Variants in DDR2 observed in about 807,000 individuals in gnomAD.
The protein encoded by DDR2 is discoidin domain receptor tyrosine kinase 2.
A neutral mutation model predicts 94.9 loss-of-function variants in DDR2; 27 were observed. The ratio of observed to expected loss-of-function variants is 0.28; its 90% CI spans 0.21 to 0.39. The LOEUF is 0.39. Ranked by LOEUF, DDR2 falls within the 10% of genes least tolerant of loss-of-function variation. The probability of loss-of-function intolerance (pLI) is 1.00; values close to 1 mark genes in which losing one functional copy is unlikely to be tolerated. For missense variants in DDR2, 783 were observed against 1,076.0 expected, an observed-to-expected ratio of 0.73 and a Z score of 3.81; for synonymous variants, 382 against 377.2, an observed-to-expected ratio of 1.01 and a Z score of -0.15.
At chr1:162,687,101 G>T (rs568125075) in intron 2 of DDR2, among the ~76,000 whole-genome samples, 2 of 152,330 alleles carry the variant, frequency 1.3e-5, no homozygotes, top group African/African-American at 4.8e-5. Context: ...GCCAGGCTTT[G>T]GGCTGCTCTG....
chr1:162,732,663 G>A (rs1435390859), intron 3 of DDR2, among the ~76,000 whole-genome samples: 1 of 152,228 alleles, frequency 6.6e-6, no homozygotes, highest in Non-Finnish European at 1.5e-5. Flanking sequence ...CCCCAATAAT[G>A]CCCCTCAGTC....
At chr1:162,778,797 G>T in intron 17 of DDR2, 68 bp downstream of exon 17, 1 of 1,606,206 alleles carries the variant, frequency 6.2e-7, no homozygotes, top group South Asian at 1.1e-5. Context: ...GGCAAGTCCT[G>T]CCTTAGCAGG....
chr1:162,779,295 C>G (rs370374252), intron 17 of DDR2, among the ~76,000 whole-genome samples: 1 of 151,966 alleles, frequency 6.6e-6, no homozygotes, highest in African/African-American at 2.4e-5. Flanking sequence ...AATTCCTAGC[C>G]AAGATACTCC....
rs1443166185 is a variant in DDR2 at position 162,765,285 on chromosome 1, C to CAG, written c.1100-713_1100-712dup. Among the ~76,000 whole-genome samples, 4 of 152,162 alleles carry CAG rather than the reference C, an allele frequency of 2.6e-5. No individual in the cohort carries two copies. In the East Asian group the frequency reaches 7.7e-4, roughly 29 times the overall value. On this transcript the variant is annotated intron_variant, in intron 9 of 17. Transcript: ENST00000367921. ...GACAGCCGAACTCCGAAAGCACATG[C>CAG]AGAGGCCAGATACCTCCTTATTTAT...
intron 2 of DDR2, among the ~76,000 whole-genome samples, chr1:162,670,590 G>C (rs763554247): frequency 1.2e-4 from 18 of 152,214 alleles, no homozygotes; most frequent in Non-Finnish European, 2.5e-4. Context: ...TGACAGATCA[G>C]AAGAGCCATG....
chr1:162,765,918 G>A, intron 9 of DDR2, 83 bp from the exon 10 acceptor site: 1 of 1,226,478 alleles, frequency 8.2e-7, no homozygotes, highest in Non-Finnish European at 1.2e-6. Context: ...ATCTTGTAAT[G>A]TGCTAGGTCA....
rs368494291 is a variant in DDR2, at chr1:162,729,812, C to T, written c.82+10667C>T. 5.5e-4 allele frequency among the ~76,000 whole-genome samples: 83 copies of T among 151,826 alleles called. No individual in the cohort carries two copies. In the South Asian group the frequency reaches 6.2e-3, roughly 11 times the overall value. On this transcript the variant is annotated intron_variant, in intron 3 of 17. Coordinates refer to ENST00000367921, the MANE Select transcript of DDR2 (RefSeq NM_006182.4). ...AGGCTGGAGTGCAATGGCGCAATCT[C>T]GGCTCACTGCAACCTCCGCCTCCCA...
At chr1:162,743,366 C>A (rs61812400) in intron 3 of DDR2, among the ~76,000 whole-genome samples, 90 of 152,158 alleles carry the variant, frequency 5.9e-4, no homozygotes, top group Non-Finnish European at 1.1e-3. Context: ...CACGTGAAAC[C>A]TTTTTCCCTT....
intron 1 of DDR2, among the ~76,000 whole-genome samples, chr1:162,653,107 AAAAC>A (rs1657781266): frequency 6.6e-6 from 1 of 151,920 alleles, no homozygotes; most frequent in Non-Finnish European, 1.5e-5. Flanking sequence ...CCTGTCTTAA[AAAAC>A]AAACAAGCAA....
chr1:162,749,750 C>A (rs190520324), intron 3 of DDR2, among the ~76,000 whole-genome samples: 2,212 of 152,240 alleles, frequency 0.015, 35 homozygotes, highest in Non-Finnish European at 0.02. Flanking sequence ...AACATTCATG[C>A]AAAAATCCTA....
At chr1:162,660,561 C>T (rs748164189) in intron 2 of DDR2, among the ~76,000 whole-genome samples, 11 of 152,162 alleles carry the variant, frequency 7.2e-5, no homozygotes, top group Non-Finnish European at 1.5e-4. Flanking sequence ...GTAATGTATA[C>T]ACATCACCTA....
intron 2 of DDR2, among the ~76,000 whole-genome samples, chr1:162,705,645 C>G (rs1384037043): frequency 6.6e-6 from 1 of 152,130 alleles, no homozygotes; most frequent in African/African-American, 2.4e-5. Context: ...TTCATTCCAG[C>G]CTCGTTGTTG....
At chr1:162,642,295 G>C (rs1657175790) in intron 1 of DDR2, among the ~76,000 whole-genome samples, 1 of 149,226 alleles carries the variant, frequency 6.7e-6, no homozygotes, top group African/African-American at 2.5e-5. Context: ...TTTTTGAGGT[G>C]GAATTTCGCT....
chr1:162,762,946 T>G lies in DDR2; in HGVS notation c.1099+1492T>G, dbSNP rs144833044. Among the ~76,000 whole-genome samples the G allele has an allele frequency of 6.2e-3, 938 of 152,142 alleles. 10 individuals are homozygous for G. The highest frequency in any genetic ancestry group is 0.021 in the African/African-American group (888 of 41,524). On this transcript the variant is annotated intron_variant, in intron 9 of 17. Coordinates refer to ENST00000367921, the MANE Select transcript of DDR2 (RefSeq NM_006182.4). ...CCGCCTCCCGGGATCGAGTGATTCT[T>G]CTGCCTCAGCCTCCCAAGTAGCTGG...
In DDR2 at chr1:162,753,103, C is replaced by T. The variant is rs761583917; in HGVS notation, c.91C>T (p.Arg31Cys). ...AKAQVNPAIC[R>C]YPLGMSGGQI... ...GGTTTCTCTTGGTCTAGCTATATGCCGCTATCCTCTGGGCATGTCAGGAGG... is the reference window on the plus strand; with the variant it reads ...GGTTTCTCTTGGTCTAGCTATATGCTGCTATCCTCTGGGCATGTCAGGAGG... The change falls in exon 4 of 18, where the codon CGC becomes TGC. Residue 31 changes from arginine to cysteine, a missense_variant. Arg to Cys is a radical substitution (Grantham distance 180). Transcript: ENST00000367921. 12 of 1,613,160 alleles carry T rather than the reference C, an allele frequency of 7.4e-6. No homozygotes were observed. Among genetic ancestry groups the T allele is most frequent in the Admixed American group, 3.3e-5 (2 of 59,962 alleles).
Position 162,784,239 on chromosome 1 carries a change from G to A in DDR2, c.*3993G>A, listed in dbSNP as rs969300153. On this transcript the variant is annotated 3_prime_UTR_variant, in exon 18 of 18. Coordinates refer to ENST00000367921, the MANE Select transcript of DDR2 (RefSeq NM_006182.4). The stretch of plus-strand genomic sequence containing the variant: ...GGGGAGTGTCCGCAAAATGGAAAGA[G>A]ATGAAGATGTTCCAAGGAAGTATGC... The A allele has an allele frequency of 2.0e-5, 3 of 153,736 alleles. No homozygotes were observed. In the East Asian group the frequency reaches 5.8e-4, roughly 30 times the overall value. 9.5% of individuals were successfully genotyped at this position (153,736 alleles called of 1,614,324 possible).
At chr1:162,730,859 G>C (rs1662006819) in intron 3 of DDR2, among the ~76,000 whole-genome samples, 1 of 152,140 alleles carries the variant, frequency 6.6e-6, no homozygotes, top group Non-Finnish European at 1.5e-5. Context: ...GAGATACACT[G>C]CATGCTCGAG....
chr1:162,733,457 T>C (rs1303706519), intron 3 of DDR2, among the ~76,000 whole-genome samples: 1 of 152,232 alleles, frequency 6.6e-6, no homozygotes, highest in East Asian at 1.9e-4. Flanking sequence ...ATCTTGTCCA[T>C]TTTCCTGTGC....
intron 3 of DDR2, among the ~76,000 whole-genome samples, chr1:162,729,296 ATATATTTTTTT>A (rs1661889287): frequency 3.0e-5 from 1 of 33,032 alleles, no homozygotes; most frequent in African/African-American, 7.5e-5. Context: ...ATATATATAT[ATATATTTTTTT>A]TTTTTTTTTT....
Sources: gnomAD v4.1 joint callset for allele counts (sites outside exome capture counted in the v4.1 genomes callset) on GRCh38, gnomAD v4.1.1 for gene constraint, MANE v1.5 for transcripts, NCBI Gene and HGNC (gene_info 2026-07-23, HGNC 2026-07-21) for gene names.